The following SLC6A6 variants were observed in gnomAD, a reference collection of about 807,000 sequenced individuals.
SLC6A6 encodes the protein solute carrier family 6 member 6.
SLC6A6 carries 16 observed loss-of-function variants against 68.8 expected under a neutral mutation model. The observed-to-expected ratio is 0.23, with a 90% confidence interval of 0.16 to 0.35. The LOEUF is 0.35. Among genes scored for constraint, SLC6A6 ranks in the 10% least tolerant of loss-of-function variants. The pLI, the probability that SLC6A6 is intolerant of heterozygous loss-of-function variation, is 1.00. For synonymous variants in SLC6A6, 312 were observed against 315.4 expected (o/e 0.99, Z 0.12); for missense variants, 474 against 802.8 (o/e 0.59, Z 4.95).
At chr3:14,419,659 C>T (rs921655015) in intron 2 of SLC6A6, among the ~76,000 whole-genome samples, 2 of 152,164 alleles carry the variant, frequency 1.3e-5, no homozygotes, top group African/African-American at 2.4e-5. Context: ...GTTAGAAAGA[C>T]GGTGATACTG....
At chr3:14,407,358 G>A (rs189238946) in intron 1 of SLC6A6, among the ~76,000 whole-genome samples, 10 of 152,236 alleles carry the variant, frequency 6.6e-5, no homozygotes, top group Admixed American at 6.5e-4. Flanking sequence ...GCAGTAATAT[G>A]CAAAGATTCT....
chr3:14,438,491 C>G (rs73815280), intron 2 of SLC6A6, among the ~76,000 whole-genome samples: 3,502 of 152,256 alleles, frequency 0.023, 116 homozygotes, highest in African/African-American at 0.077. Context: ...GGGGTCCAGC[C>G]AGGCACTTGA....
Position 14,481,622 on chromosome 3 carries a change from C to A in SLC6A6, c.1552-49C>A, listed in dbSNP as rs745695464. 7.9e-6 allele frequency: 10 copies of A among 1,273,352 alleles called. No individual in the cohort carries two copies. Among genetic ancestry groups the A allele is most frequent in the Admixed American group, 3.8e-5 (2 of 52,236 alleles). 78.9% of individuals were successfully genotyped at this position (1,273,352 alleles called of 1,614,324 possible). ...CAGTCCTAGTCCCAGAAGCCCCCCA[C>A]CCCCCGATGCCCAGGACCCCTCTCC... On this transcript the variant is annotated intron_variant, in intron 13 of 14. Transcript: ENST00000622186. This position sits in a 1 kb window ranked among gnomAD's most constrained non-coding sequence, Gnocchi z 4.7.
At chr3:14,464,896 T>C (rs1279285924) in intron 6 of SLC6A6, among the ~76,000 whole-genome samples, 1 of 152,258 alleles carries the variant, frequency 6.6e-6, no homozygotes, top group African/African-American at 2.4e-5. Flanking sequence ...CCATGAACTT[T>C]CTGCATGTCG....
At chr3:14,437,994 ATTTT>A (rs34038422) in intron 2 of SLC6A6, among the ~76,000 whole-genome samples, 26,520 of 118,612 alleles carry the variant, frequency 0.22, 2,541 homozygotes, top group African/African-American at 0.32. Flanking sequence ...CATCTGGCTA[ATTTT>A]TTTTTTTTTT....
chr3:14,455,270 C>T (rs1700342476), intron 5 of SLC6A6, among the ~76,000 whole-genome samples: 1 of 152,192 alleles, frequency 6.6e-6, no homozygotes, highest in African/African-American at 2.4e-5. Context: ...TGGTCAGCTG[C>T]CCCGAACAAG....
intron 1 of SLC6A6, among the ~76,000 whole-genome samples, chr3:14,413,706 G>T (rs1201418064): frequency 6.6e-6 from 1 of 151,958 alleles, no homozygotes; most frequent in African/African-American, 2.4e-5. Context: ...CCTGGGGCCG[G>T]GGGTGGGGCT....
chr3:14,440,862 G>A (rs1699966883), intron 2 of SLC6A6, among the ~76,000 whole-genome samples: 1 of 152,080 alleles, frequency 6.6e-6, no homozygotes, highest in African/African-American at 2.4e-5. Context: ...GTGCACCTTA[G>A]AAATGAGGAG....
intron 13 of SLC6A6, among the ~76,000 whole-genome samples, chr3:14,480,640 C>G (rs541153537): frequency 6.5e-4 from 99 of 152,332 alleles, no homozygotes; most frequent in Non-Finnish European, 1.1e-3. Context: ...TGCCCATCAC[C>G]GACTCTGCTT....
chr3:14,436,531 C>CTTTTTTTTTTTTTTTTTTTT (rs58996264), intron 2 of SLC6A6, among the ~76,000 whole-genome samples: 1 of 112,582 alleles, frequency 8.9e-6, no homozygotes, highest in Non-Finnish European at 1.8e-5. Flanking sequence ...CAACAACTCC[C>CTTTTTTTTTTTTTTTTTTTT]TTTTTTTTTT....
At chr3:14,474,410 C>T (rs1163840216) in intron 10 of SLC6A6, among the ~76,000 whole-genome samples, 1 of 152,178 alleles carries the variant, frequency 6.6e-6, no homozygotes, top group East Asian at 1.9e-4. Context: ...GGTTTAAGTG[C>T]ACAGTTCAGT....
chr3:14,410,704 G>A (rs73815257), intron 1 of SLC6A6, among the ~76,000 whole-genome samples: 30,782 of 152,200 alleles, frequency 0.2, 3,190 homozygotes, highest in Admixed American at 0.24. Context: ...ACTTCTCTGC[G>A]TGGTCCCTCC....
intron 1 of SLC6A6, among the ~76,000 whole-genome samples, chr3:14,407,019 G>A (rs535893194): frequency 2.0e-5 from 3 of 151,536 alleles, no homozygotes; most frequent in Non-Finnish European, 4.4e-5. Context: ...CAGGGGGATG[G>A]AGCCTGGGAA....
chr3:14,477,094 A>G lies in SLC6A6; in HGVS notation c.1210-111A>G. 1.0e-6 allele frequency: 1 copy of G among 987,282 alleles called. No individual in the cohort carries two copies. Among genetic ancestry groups the G allele is most frequent in the Non-Finnish European group, 1.5e-6 (1 of 647,750 alleles). The allele number at this position is 987,282 out of a possible 1,614,324, so 61.2% of individuals were successfully genotyped here. On this transcript the variant is annotated intron_variant, in intron 10 of 14. Coordinates refer to ENST00000622186, the MANE Select transcript of SLC6A6 (RefSeq NM_003043.6). This position sits in a 1 kb window ranked among gnomAD's most constrained non-coding sequence, Gnocchi z 4.2. ...TCACAGGCCAATTCTGGACACAAGG[A>G]TGGTCACGTCTGCTCCTGCATTGTG...
At chr3:14,453,071 C>T (rs906142969) in intron 5 of SLC6A6, among the ~76,000 whole-genome samples, 3 of 152,270 alleles carry the variant, frequency 2.0e-5, no homozygotes, top group Admixed American at 1.3e-4. Context: ...AAAGGCTGCA[C>T]GGCCCCGTGC....
chr3:14,462,233 A>G (rs1330700284), intron 6 of SLC6A6, among the ~76,000 whole-genome samples: 1 of 152,202 alleles, frequency 6.6e-6, no homozygotes, highest in Non-Finnish European at 1.5e-5. Context: ...CTGCAAAGCA[A>G]GGGTGGCTTT....
At chr3:14,471,529 T>C (rs1176069167) in intron 9 of SLC6A6, among the ~76,000 whole-genome samples, 2 of 152,058 alleles carry the variant, frequency 1.3e-5, no homozygotes, top group African/African-American at 2.4e-5. Context: ...AAAAAGGAAA[T>C]TGGAAGAGGA....
At position 14,481,688 on chromosome 3, in the gene SLC6A6, G is replaced by A. The variant is rs753316532; in HGVS notation, c.1569G>A (p.Ser523=). 4.4e-5 allele frequency: 71 copies of A among 1,609,056 alleles called. No individual in the cohort carries two copies. The highest frequency in any genetic ancestry group is 8.0e-5 in the African/African-American group (6 of 74,536). Residue 523 remains serine, a synonymous_variant, in exon 14 of 15, where the codon TCG becomes TCA. Coordinates refer to ENST00000622186, the MANE Select transcript of SLC6A6 (RefSeq NM_003043.6). This position sits in a 1 kb window ranked among gnomAD's most constrained non-coding sequence, Gnocchi z 4.7. The stretch of plus-strand genomic sequence containing the variant: ...CTCCGCAGGGATGTTTCATCTTCTC[G>A]CTCGTCAAGTACGTACCCCTGACCT... ...PVLCVGCFIF[S]LVKYVPLTYN...
At chr3:14,426,332 C>G (rs548710160) in intron 2 of SLC6A6, among the ~76,000 whole-genome samples, 16 of 152,272 alleles carry the variant, frequency 1.1e-4, no homozygotes, top group Non-Finnish European at 2.2e-4. Context: ...TAAGTCCCCC[C>G]CCAGCCATCC....
Sources: allele counts gnomAD v4.1 joint callset (sites outside exome capture counted in the v4.1 genomes callset), GRCh38; gene constraint gnomAD v4.1.1; non-coding constraint Gnocchi (gnomAD v3.1); transcripts MANE v1.5; gene names NCBI Gene and HGNC (gene_info 2026-07-23, HGNC 2026-07-21).